Variants in CYSTM1 observed in about 807,000 individuals in gnomAD.
The protein encoded by CYSTM1 is cysteine rich transmembrane module containing 1.
A neutral mutation model predicts 13.1 loss-of-function variants in CYSTM1; 4 were observed. The ratio of observed to expected loss-of-function variants is 0.31; its 90% CI spans 0.15 to 0.70. The LOEUF is 0.70. CYSTM1 is among the 30% of genes least tolerant of loss of function. The pLI, the probability that CYSTM1 is intolerant of heterozygous loss-of-function variation, is 0.72. For synonymous variants in CYSTM1, 36 were observed against 42.7 expected, an observed-to-expected ratio of 0.84 and a Z score of 0.62; for missense variants, 96 against 121.6, an observed-to-expected ratio of 0.79 and a Z score of 0.99.
chr5:140,179,432 G>A (rs968027821), intron 1 of CYSTM1, among the ~76,000 whole-genome samples: 7 of 151,338 alleles, frequency 4.6e-5, no homozygotes, highest in Non-Finnish European at 1.0e-4. Flanking sequence ...GGTGGCATAC[G>A]CCTGTAATCC....
chr5:140,213,808 C>T (rs1407542426), intron 2 of CYSTM1, among the ~76,000 whole-genome samples: 1 of 152,156 alleles, frequency 6.6e-6, no homozygotes, highest in Non-Finnish European at 1.5e-5. Context: ...TAGGCTATAC[C>T]ACCTAGGTTT....
chr5:140,194,416 CA>C lies in CYSTM1; in HGVS notation c.-20-27del, dbSNP rs761640208. On this transcript the variant is annotated intron_variant, in intron 1 of 2. Coordinates refer to ENST00000261811, the MANE Select transcript of CYSTM1 (RefSeq NM_032412.4). ...TCCTGATGATTTCCACAGTTAAATG[CA>C]AATAATTTTCATTCTTTTTGTCTCT... 2.0e-6 allele frequency: 3 copies of C among 1,509,924 alleles called. No homozygotes were observed. The African/African-American group carries it at 4.3e-5, about 21-fold the overall frequency. The allele number at this position is 1,509,924 out of a possible 1,614,324, so 93.5% of individuals were successfully genotyped here.
chr5:140,228,984 G>A (rs956822577), intron 2 of CYSTM1: 4 of 392,974 alleles, frequency 1.0e-5, no homozygotes, highest in East Asian at 3.6e-5. Flanking sequence ...GTGTGAAATG[G>A]TATCTCACTA....
chr5:140,230,997 GA>G lies in CYSTM1; in HGVS notation c.188-12304del, dbSNP rs376710869. Among the ~76,000 whole-genome samples, 457 of 152,258 alleles carry G rather than the reference GA, an allele frequency of 3.0e-3. 1 individual carries two copies. The highest frequency in any genetic ancestry group is 0.011 in the African/African-American group (442 of 41,550). ...TTTAGAATGTGTGTTAGTTTCTACA[GA>G]AAACCATGTTTGGCTTTGATTGGAA... On this transcript the variant is annotated intron_variant, in intron 2 of 2. Transcript: ENST00000261811. The surrounding 1 kb of genome is among the most constrained non-coding windows in gnomAD (Gnocchi z 4.1).
At chr5:140,218,902 G>C (rs758380529) in intron 2 of CYSTM1, among the ~76,000 whole-genome samples, 5 of 152,144 alleles carry the variant, frequency 3.3e-5, no homozygotes, top group Non-Finnish European at 5.9e-5. Context: ...GGCCCTCCCA[G>C]CATATTTTTG....
intron 2 of CYSTM1, among the ~76,000 whole-genome samples, chr5:140,198,573 A>C (rs542696177): frequency 1.3e-5 from 2 of 152,372 alleles, no homozygotes; most frequent in African/African-American, 4.8e-5. Flanking sequence ...ATTTTGGGCT[A>C]GGCCCAGAAC....
At chr5:140,218,751 G>C (rs1262160512) in intron 2 of CYSTM1, among the ~76,000 whole-genome samples, 2 of 152,246 alleles carry the variant, frequency 1.3e-5, no homozygotes, top group Non-Finnish European at 2.9e-5. Context: ...CCTAAGTCAA[G>C]TGTGCTATAT....
chr5:140,194,490 T>C lies in CYSTM1; in HGVS notation c.25T>C (p.Tyr9His), dbSNP rs1225897606. Residue 9 changes from tyrosine to histidine, a missense_variant, in exon 2 of 3, where the codon TAT becomes CAT. By Grantham distance (83) the Tyr-to-His change is moderately conservative. Transcript: ENST00000261811. MNQENPPP[Y>H]PGPGPTAPYP... The stretch of plus-strand genomic sequence containing the variant: ...GATGAACCAAGAGAACCCTCCACCA[T>C]ATCCAGGCCCTGGTCCAACGGCCCC... 1 of 1,604,032 alleles carries C rather than the reference T, an allele frequency of 6.2e-7. No individual in the cohort carries two copies. The highest frequency in any genetic ancestry group is 8.5e-7 in the Non-Finnish European group (1 of 1,177,322).
intron 2 of CYSTM1, among the ~76,000 whole-genome samples, chr5:140,235,222 C>T (rs1764666368): frequency 6.6e-6 from 1 of 152,054 alleles, no homozygotes; most frequent in Non-Finnish European, 1.5e-5. Flanking sequence ...TCTGCCTCAG[C>T]CTCCCAAAGT....
At chr5:140,194,717 C>T in intron 2 of CYSTM1, 65 bp downstream of exon 2, 2 of 1,522,036 alleles carry the variant, frequency 1.3e-6, no homozygotes, top group Admixed American at 5.0e-5. Context: ...TGCATGTTTT[C>T]TTTGGCAGAG....
At chr5:140,182,059 T>G (rs1763967073) in intron 1 of CYSTM1, among the ~76,000 whole-genome samples, 1 of 152,252 alleles carries the variant, frequency 6.6e-6, no homozygotes, top group Admixed American at 6.5e-5. Flanking sequence ...ACATTCTTCT[T>G]AAAGTTGACC....
chr5:140,195,528 G>A (rs200264043), intron 2 of CYSTM1, among the ~76,000 whole-genome samples: 2 of 143,110 alleles, frequency 1.4e-5, no homozygotes, highest in Non-Finnish European at 3.0e-5. Flanking sequence ...TGCAAGCTCC[G>A]CCTCCTGGGT....
In CYSTM1 at chr5:140,194,591, CT is replaced by C. The variant is rs760750583; in HGVS notation, c.127del (p.Tyr43ThrfsTer24). ...GPYPPPQGYP[Y>X]QGYPQYGWQG... ...CCTACCCACCTCCTCAAGGGTACCC[CT>C]ACCAAGGATACCCACAGTACGGCTG... On this transcript the variant is annotated frameshift_variant, in exon 2 of 3. Transcript: ENST00000261811. LOFTEE classifies it high-confidence loss of function. The C allele has an allele frequency of 3.3e-5, 53 of 1,613,412 alleles. No individual in the cohort carries two copies. The highest frequency in any genetic ancestry group is 4.4e-5 in the Non-Finnish European group (52 of 1,179,688).
chr5:140,192,505 G>T (rs72798810), intron 1 of CYSTM1, among the ~76,000 whole-genome samples: 2,164 of 152,286 alleles, frequency 0.014, 27 homozygotes, highest in Non-Finnish European at 0.024. Flanking sequence ...AAGTCATCTG[G>T]AATCCCATTT....
intron 2 of CYSTM1, among the ~76,000 whole-genome samples, chr5:140,236,768 C>T (rs892668233): frequency 2.0e-5 from 3 of 152,186 alleles, no homozygotes; most frequent in Admixed American, 6.5e-5. Context: ...CAGGTCTGCC[C>T]AACTCCCAAG....
chr5:140,226,355 G>A lies in CYSTM1; in HGVS notation c.188-16950G>A, dbSNP rs1012256234. 6.7e-5 allele frequency among the ~76,000 whole-genome samples: 10 copies of A among 149,490 alleles called. No homozygotes were observed. The East Asian group carries it at 7.8e-4, about 12-fold the overall frequency. On this transcript the variant is annotated intron_variant, in intron 2 of 2. Coordinates refer to ENST00000261811, the MANE Select transcript of CYSTM1 (RefSeq NM_032412.4). Reference sequence around the variant, plus strand: ...TTAAAATTCCTATTCTGGGCTGGGCGCGGTGGCTCACATCTATAATCCCAG... The same window carrying A: ...TTAAAATTCCTATTCTGGGCTGGGCACGGTGGCTCACATCTATAATCCCAG...
At chr5:140,197,030 A>G (rs1371635761) in intron 2 of CYSTM1, among the ~76,000 whole-genome samples, 2 of 152,222 alleles carry the variant, frequency 1.3e-5, no homozygotes, top group African/African-American at 2.4e-5. Context: ...ATAGCCCAGC[A>G]TTTGAGTTAT....
At chr5:140,233,503 G>A (rs950532822) in intron 2 of CYSTM1, among the ~76,000 whole-genome samples, 2 of 152,152 alleles carry the variant, frequency 1.3e-5, no homozygotes, top group Non-Finnish European at 2.9e-5. Flanking sequence ...ATTTCTCTAA[G>A]CTGAATACCC....
At chr5:140,181,793 C>T (rs1040883952) in intron 1 of CYSTM1, among the ~76,000 whole-genome samples, 2 of 152,222 alleles carry the variant, frequency 1.3e-5, no homozygotes, top group African/African-American at 4.8e-5. Context: ...GATAGCAGGA[C>T]CCCCGTCTGT....
Sources: gnomAD v4.1 joint callset for allele counts (sites outside exome capture counted in the v4.1 genomes callset) on GRCh38, gnomAD v4.1.1 for gene constraint, Gnocchi (gnomAD v3.1) non-coding constraint, MANE v1.5 for transcripts, NCBI Gene and HGNC (gene_info 2026-07-23, HGNC 2026-07-21) for gene names.